The following CHMP2B variants were observed in gnomAD, a reference collection of about 807,000 sequenced individuals.
CHMP2B encodes the protein charged multivesicular body protein 2B, also known as VPS2 homolog B.
A neutral mutation model predicts 29.8 loss-of-function variants in CHMP2B; 22 were observed. The observed-to-expected ratio is 0.74, with a 90% confidence interval of 0.53 to 1.05. The LOEUF is 1.05. Ranked by LOEUF, CHMP2B falls within the 50% of genes least tolerant of loss-of-function variation. The pLI is 0.00. For missense variants in CHMP2B, 261 were observed against 252.2 expected (o/e 1.03, Z -0.24); for synonymous variants, 78 against 75.8 (o/e 1.03, Z -0.15).
chr3:87,236,734 T>C (rs955071726), intron 1 of CHMP2B, among the ~76,000 whole-genome samples: 1 of 151,934 alleles, frequency 6.6e-6, no homozygotes, highest in Admixed American at 6.6e-5. Flanking sequence ...TGGTGGCGCA[T>C]GCCTGTAATC....
chr3:87,239,177 T>G (rs1351400693), intron 1 of CHMP2B, among the ~76,000 whole-genome samples: 1 of 152,146 alleles, frequency 6.6e-6, no homozygotes, highest in African/African-American at 2.4e-5. Context: ...TACCAAACTC[T>G]TATCAGATAT....
At chr3:87,240,450 A>G in intron 1 of CHMP2B, 1 of 374,708 alleles carries the variant, frequency 2.7e-6, no homozygotes, top group Non-Finnish European at 5.1e-6. Context: ...AGCTCGGATT[A>G]CAGGCATGTG....
chr3:87,241,276 A>C (rs1029718855), intron 2 of CHMP2B, among the ~76,000 whole-genome samples: 1 of 152,204 alleles, frequency 6.6e-6, no homozygotes, highest in Non-Finnish European at 1.5e-5. Context: ...TGTTGCCTCA[A>C]ATCTTTAAAA....
At chr3:87,236,793 C>T (rs1479863337) in intron 1 of CHMP2B, among the ~76,000 whole-genome samples, 3 of 151,384 alleles carry the variant, frequency 2.0e-5, no homozygotes, top group Non-Finnish European at 2.9e-5. Flanking sequence ...ACCTGGGAGG[C>T]GAACCGAGAT....
At chr3:87,253,180 T>C (rs778725098) in intron 4 of CHMP2B, 7 of 448,428 alleles carry the variant, frequency 1.6e-5, no homozygotes, top group Non-Finnish European at 2.4e-5. Context: ...TAGACTTGTT[T>C]GCTATAAGAT....
chr3:87,249,767 A>G (rs1575970772), intron 3 of CHMP2B, 108 bp from the exon 4 acceptor site: 9 of 644,588 alleles, frequency 1.4e-5, no homozygotes. Flanking sequence ...GGCAGGATGG[A>G]TATCTTTTTA....
chr3:87,243,082 C>T (rs1052475767), intron 2 of CHMP2B, among the ~76,000 whole-genome samples: 7 of 152,058 alleles, frequency 4.6e-5, no homozygotes, highest in African/African-American at 1.4e-4. Flanking sequence ...AACATTATGT[C>T]TTCTGACCTA....
intron 1 of CHMP2B, among the ~76,000 whole-genome samples, chr3:87,227,851 AT>A (rs1705841943): frequency 6.6e-6 from 1 of 152,184 alleles, no homozygotes; most frequent in Admixed American, 6.5e-5. Flanking sequence ...TTGAGTGTCA[AT>A]AAACTTGGAA....
Position 87,227,460 on chromosome 3 carries a change from T to C in CHMP2B, c.-63T>C, listed in dbSNP as rs1705829699. 2 of 1,602,692 alleles carry C rather than the reference T, an allele frequency of 1.2e-6. No homozygotes were observed. The highest frequency in any genetic ancestry group is 1.7e-6 in the Non-Finnish European group (2 of 1,169,722). ...CGCCAAGGTCCTGTCCTTTTCCTCC[T>C]GTCCTTTGCCAGCGTTGGGCCGGAC... On this transcript the variant is annotated 5_prime_UTR_variant, in exon 1 of 6. Transcript: ENST00000263780.
intron 4 of CHMP2B, among the ~76,000 whole-genome samples, chr3:87,251,732 T>C (rs1387061892): frequency 6.6e-6 from 1 of 151,976 alleles, no homozygotes; most frequent in African/African-American, 2.4e-5. Context: ...CACAAGATCG[T>C]TGGGAAATCT....
At chr3:87,246,698 AT>A (rs1302319190) in intron 3 of CHMP2B, among the ~76,000 whole-genome samples, 1 of 152,102 alleles carries the variant, frequency 6.6e-6, no homozygotes, top group African/African-American at 2.4e-5. Context: ...ACACAAACAC[AT>A]TTTTCTATAT....
intron 1 of CHMP2B, among the ~76,000 whole-genome samples, chr3:87,233,586 C>T (rs1436656035): frequency 3.9e-5 from 6 of 152,100 alleles, no homozygotes; most frequent in Admixed American, 3.3e-4. Context: ...TTCTTATATC[C>T]ATAGCACAAT....
rs1705858463 is a variant in CHMP2B, at chr3:87,228,834, TC to T, written c.34+1279del. 2.0e-5 allele frequency among the ~76,000 whole-genome samples: 3 copies of T among 152,174 alleles called. No homozygotes were observed. In the South Asian group the frequency reaches 6.2e-4, roughly 32 times the overall value. Reference sequence around the variant, plus strand: ...GTGAAATGGATTTTATGTGTGCTTTTCATGAGAATGCTGCTTAATCTTTAAT... The same window carrying T: ...GTGAAATGGATTTTATGTGTGCTTTTATGAGAATGCTGCTTAATCTTTAAT... On this transcript the variant is annotated intron_variant, in intron 1 of 5. Coordinates refer to ENST00000263780, the MANE Select transcript of CHMP2B (RefSeq NM_014043.4).
At chr3:87,241,149 CAT>C (rs1373434311) in intron 2 of CHMP2B, among the ~76,000 whole-genome samples, 1 of 152,120 alleles carries the variant, frequency 6.6e-6, no homozygotes. Flanking sequence ...TACATTAACT[CAT>C]AGGAGTCTTG....
rs1016915311 is a variant in CHMP2B, at chr3:87,255,243, C to T, written c.*1421C>T. 8.5e-5 allele frequency: 13 copies of T among 152,190 alleles called. No individual in the cohort carries two copies. Among genetic ancestry groups the T allele is most frequent in the Admixed American group, 7.9e-4 (12 of 15,192 alleles). The allele number at this position is 152,190 out of a possible 1,614,324, so 9.4% of individuals were successfully genotyped here. A position where few individuals can be genotyped will look rare whatever the true frequency, so the allele number is the denominator to read the frequency against. The stretch of plus-strand genomic sequence containing the variant: ...AAACTAAACTGTATAGTTTATATTC[C>T]GTAAACCATTTTATAATGTTCAAAG... On this transcript the variant is annotated 3_prime_UTR_variant, in exon 6 of 6. Transcript: ENST00000263780.
chr3:87,236,337 A>T (rs968285771), intron 1 of CHMP2B, among the ~76,000 whole-genome samples: 1 of 152,176 alleles, frequency 6.6e-6, no homozygotes, highest in African/African-American at 2.4e-5. Flanking sequence ...ATCATTCAGG[A>T]AATTCCAAGG....
chr3:87,253,290 A>G, intron 4 of CHMP2B, 114 bp from the exon 5 acceptor site: 1 of 703,130 alleles, frequency 1.4e-6, no homozygotes, highest in Non-Finnish European at 2.6e-6. Flanking sequence ...TAGTTTGTTC[A>G]CTGAGTTTGC....
At position 87,227,342 on chromosome 3, in the gene CHMP2B, C is replaced by T. The variant is rs1346381471; in HGVS notation, c.-181C>T. The stretch of plus-strand genomic sequence containing the variant: ...CCGGTCACCTGAGCTCCGGGTGACG[C>T]GGCTGCGGTAGCTGCGGATACAAGC... On this transcript the variant is annotated 5_prime_UTR_variant, in exon 1 of 6. Transcript: ENST00000263780. The T allele has an allele frequency of 3.0e-6, 2 of 657,674 alleles. No individual in the cohort carries two copies. Among genetic ancestry groups the T allele is most frequent in the East Asian group, 2.7e-5 (1 of 36,926 alleles). The allele number at this position is 657,674 out of a possible 1,614,324, so 40.7% of individuals were successfully genotyped here.
chr3:87,253,341 T>G lies in CHMP2B; in HGVS notation c.425-63T>G, dbSNP rs370396849. On this transcript the variant is annotated intron_variant, in intron 4 of 5. Coordinates refer to ENST00000263780, the MANE Select transcript of CHMP2B (RefSeq NM_014043.4). ...AAATAGTTGGGCTAGACTGTAAATA[T>G]GTAAGTCTAACCTGAAGTTTGTTTG... 6.1e-5 allele frequency: 58 copies of G among 950,530 alleles called. No individual in the cohort carries two copies. The African/African-American group carries it at 6.4e-4, about 11-fold the overall frequency. 58.9% of individuals were successfully genotyped at this position (950,530 alleles called of 1,614,324 possible). A position where few individuals can be genotyped will look rare whatever the true frequency, so the allele number is the denominator to read the frequency against.
Sources: allele counts gnomAD v4.1 joint callset (sites outside exome capture counted in the v4.1 genomes callset), GRCh38; gene constraint gnomAD v4.1.1; transcripts MANE v1.5; gene names NCBI Gene and HGNC (gene_info 2026-07-23, HGNC 2026-07-21).